MICOS10: variants seen among roughly 807,000 people sequenced by gnomAD.
MICOS10 encodes the protein MICOS complex subunit MIC10.
MICOS10 carries 5 observed loss-of-function variants against 13.4 expected under a neutral mutation model. That is an observed-to-expected ratio of 0.37 (90% CI 0.20 to 0.78). The LOEUF (loss-of-function observed/expected upper bound fraction) is 0.78, where lower values mean the gene tolerates loss of function less well. Among genes scored for constraint, MICOS10 ranks in the 30% least tolerant of loss-of-function variants. The probability of loss-of-function intolerance (pLI) is 0.47; values close to 1 mark genes in which losing one functional copy is unlikely to be tolerated. For missense variants in MICOS10, 101 were observed against 94.6 expected, an observed-to-expected ratio of 1.07 and a Z score of -0.28; for synonymous variants, 35 against 33.6, an observed-to-expected ratio of 1.04 and a Z score of -0.15.
At chr1:19,600,494 C>G (rs555130391) in intron 1 of MICOS10, among the ~76,000 whole-genome samples, 1 of 152,306 alleles carries the variant, frequency 6.6e-6, no homozygotes, top group African/African-American at 2.4e-5. Context: ...GAGATGGAGA[C>G]TCAGGGAATG....
At chr1:19,603,658 A>G (rs2094824399) in intron 1 of MICOS10, among the ~76,000 whole-genome samples, 1 of 152,358 alleles carries the variant, frequency 6.6e-6, no homozygotes, top group Admixed American at 6.5e-5. Context: ...ATCTAGTCTT[A>G]CTAATCCATG....
At position 19,597,107 on chromosome 1, in the gene MICOS10, T is replaced by C. The variant is rs146421936; in HGVS notation, c.62T>C (p.Ile21Thr). Residue 21 changes from isoleucine (I) to threonine (T), a missense_variant and splice_region_variant, in exon 1 of 4, where the codon ATA becomes ACA. Physicochemically the swap from Ile to Thr is moderately conservative, Grantham distance 89 (BLOSUM62 -1). Transcript: ENST00000322753. ...TGTCTGGCGGATGCGGTCGTGAAGA[T>C]AGGTAAGGGGCTTTTCGCCCCAGCA... ...DRCLADAVVK[I>T]GTGFGLGIVF... 119 of 1,599,650 alleles carry C rather than the reference T, an allele frequency of 7.4e-5. No homozygotes were observed. The highest frequency in any genetic ancestry group is 9.8e-5 in the Non-Finnish European group (115 of 1,173,948).
At chr1:19,618,048 C>T (rs984359015) in intron 1 of MICOS10, among the ~76,000 whole-genome samples, 3 of 151,706 alleles carry the variant, frequency 2.0e-5, no homozygotes, top group Non-Finnish European at 2.9e-5. Flanking sequence ...TGTGGCTTAT[C>T]CACAGTGTGA....
At chr1:19,600,776 A>T in intron 1 of MICOS10, 1 of 628,560 alleles carries the variant, frequency 1.6e-6, no homozygotes, top group Non-Finnish European at 2.5e-6. Flanking sequence ...TAACTTTTGT[A>T]TTTTTTGTAG....
intron 1 of MICOS10, among the ~76,000 whole-genome samples, chr1:19,615,781 A>G (rs1434489429): frequency 6.6e-6 from 1 of 151,238 alleles, no homozygotes; most frequent in Non-Finnish European, 1.5e-5. Flanking sequence ...TAAACACTCT[A>G]TACTGGACTG....
chr1:19,598,369 G>C (rs531111315), intron 1 of MICOS10, among the ~76,000 whole-genome samples: 4 of 152,130 alleles, frequency 2.6e-5, no homozygotes, highest in South Asian at 2.1e-4. Context: ...TTTTGGAAGC[G>C]ACTAAACAGT....
intron 3 of MICOS10, among the ~76,000 whole-genome samples, chr1:19,625,205 T>C (rs1164634628): frequency 1.3e-5 from 2 of 152,228 alleles, no homozygotes; most frequent in Admixed American, 6.5e-5. Context: ...TATAAAAACA[T>C]TGGTTATTAT....
At chr1:19,623,381 T>G in intron 2 of MICOS10, 93 bp from the exon 3 acceptor site, 1 of 752,054 alleles carries the variant, frequency 1.3e-6, no homozygotes. Context: ...GTTGAATATT[T>G]ATTGAACCCT....
chr1:19,600,774 GTATT>G (rs2094811080), intron 1 of MICOS10: 1 of 605,422 alleles, frequency 1.7e-6, no homozygotes, highest in Admixed American at 2.5e-5. Flanking sequence ...TCTAACTTTT[GTATT>G]TTTTGTAGAG....
At chr1:19,599,575 G>T (rs1048775300) in intron 1 of MICOS10, among the ~76,000 whole-genome samples, 1 of 152,172 alleles carries the variant, frequency 6.6e-6, no homozygotes, top group Non-Finnish European at 1.5e-5. Flanking sequence ...TGAAGGGATG[G>T]GCTGAGGTCA....
chr1:19,626,004 A>G (rs759466790), intron 3 of MICOS10, among the ~76,000 whole-genome samples: 1 of 152,174 alleles, frequency 6.6e-6, no homozygotes, highest in East Asian at 1.9e-4. Context: ...AGATGTTACT[A>G]TCCTCATTCA....
At chr1:19,603,916 C>G (rs2094825426) in intron 1 of MICOS10, among the ~76,000 whole-genome samples, 1 of 152,044 alleles carries the variant, frequency 6.6e-6, no homozygotes. Context: ...CCTGGCAAGC[C>G]AGGTGTGTCA....
intron 1 of MICOS10, among the ~76,000 whole-genome samples, chr1:19,610,726 T>C (rs1436464396): frequency 2.0e-5 from 3 of 152,172 alleles, no homozygotes; most frequent in Non-Finnish European, 4.4e-5. Flanking sequence ...CTTTGATAAA[T>C]GTTTACAAGT....
chr1:19,622,047 C>T, intron 1 of MICOS10, 53 bp from the exon 2 acceptor site: 2 of 1,342,552 alleles, frequency 1.5e-6, no homozygotes, highest in Non-Finnish European at 1.1e-6. Flanking sequence ...TTAATGTTAT[C>T]TTTGTGAAGT....
intron 1 of MICOS10, among the ~76,000 whole-genome samples, chr1:19,598,889 G>T (rs932639369): frequency 4.6e-5 from 7 of 151,892 alleles, no homozygotes; most frequent in African/African-American, 1.7e-4. Flanking sequence ...ATTTTTTAAT[G>T]TATTTTATTT....
intron 1 of MICOS10, chr1:19,617,145 C>T (rs1048045215): frequency 3.8e-6 from 1 of 266,414 alleles, no homozygotes; most frequent in Non-Finnish European, 5.8e-6. Flanking sequence ...TTAAAAGGAC[C>T]CCTTTTTGAG....
In MICOS10 at chr1:19,608,618, A is replaced by G. The variant is rs145738284; in HGVS notation, c.64+11509A>G. On this transcript the variant is annotated intron_variant, in intron 1 of 3. Transcript: ENST00000322753. ...GTTAATAAATTGCCTTCATGTAAAA[A>G]ATAAATAAAAAAAGTGAAACCTGTA... 838 of 713,754 alleles carry G rather than the reference A, an allele frequency of 1.2e-3. 7 individuals carry two copies. The African/African-American group carries it at 0.013, about 11-fold the overall frequency. The allele number at this position is 713,754 out of a possible 1,614,324, so 44.2% of individuals were successfully genotyped here. A position where few individuals can be genotyped will look rare whatever the true frequency, so the allele number is the denominator to read the frequency against.
intron 3 of MICOS10, chr1:19,625,505 A>G: frequency 7.8e-7 from 1 of 1,289,444 alleles, no homozygotes; most frequent in Non-Finnish European, 1.0e-6. Context: ...GGACCATGCA[A>G]GAAGAGGCGC....
At position 19,597,051 on chromosome 1, in the gene MICOS10, T is replaced by G. The variant is rs772196548; in HGVS notation, c.6T>G (p.Ser2=). Residue 2 remains serine (S), a synonymous_variant, in exon 1 of 4, where the codon TCT becomes TCG. Coordinates refer to ENST00000322753, the MANE Select transcript of MICOS10 (RefSeq NM_001032363.4). M[S]ESELGRKWDR... ...TGGAGGCGCGGGTGGGGAACATGTC[T>G]GAGTCGGAGCTCGGCAGGAAGTGGG... is the stretch of plus-strand genomic sequence containing the variant. The G allele has an allele frequency of 1.9e-6, 3 of 1,590,358 alleles. No individual in the cohort carries two copies. The highest frequency in any genetic ancestry group is 2.3e-5 in the South Asian group (2 of 88,786).
Sources: gnomAD v4.1 joint callset for allele counts (sites outside exome capture counted in the v4.1 genomes callset) on GRCh38, gnomAD v4.1.1 for gene constraint, MANE v1.5 for transcripts, NCBI Gene and HGNC (gene_info 2026-07-23, HGNC 2026-07-21) for gene names.